The following PTPRD variants were observed in gnomAD, a reference collection of about 807,000 sequenced individuals.
PTPRD encodes the protein receptor-type tyrosine-protein phosphatase delta.
A neutral mutation model predicts 214.5 loss-of-function variants in PTPRD; 34 were observed. The ratio of observed to expected loss-of-function variants is 0.16; its 90% confidence interval spans 0.12 to 0.21. The LOEUF (loss-of-function observed/expected upper bound fraction) is 0.21. PTPRD is among the 10% of genes least tolerant of loss of function. The pLI is 1.00. For synonymous variants in PTPRD, 1,128 were observed against 845.7 expected, an observed-to-expected ratio of 1.33 and a Z score of -5.79; for missense variants, 2,545 against 2,398.7, an observed-to-expected ratio of 1.06 and a Z score of -1.27.
At chr9:8,794,552 C>G (rs768178184) in intron 11 of PTPRD, among the ~76,000 whole-genome samples, 2 of 149,078 alleles carry the variant, frequency 1.3e-5, no homozygotes, top group African/African-American at 5.0e-5. Flanking sequence ...TTATGTTGCC[C>G]AGGCTGGACT....
chr9:10,044,451 T>C (rs1450199775), intron 3 of PTPRD, among the ~76,000 whole-genome samples: 2 of 151,784 alleles, frequency 1.3e-5, no homozygotes, highest in South Asian at 4.1e-4. Context: ...TTGATAGTTA[T>C]ATTTCTTCAT....
At chr9:8,322,198 GA>G (rs1473669842) in intron 44 of PTPRD, among the ~76,000 whole-genome samples, 1 of 151,842 alleles carries the variant, frequency 6.6e-6, no homozygotes, top group Non-Finnish European at 1.5e-5. Flanking sequence ...CAACAATATC[GA>G]AATTAGGCCA....
At chr9:10,064,871 G>A (rs1212439523) in intron 3 of PTPRD, among the ~76,000 whole-genome samples, 1 of 151,972 alleles carries the variant, frequency 6.6e-6, no homozygotes, top group African/African-American at 2.4e-5. Flanking sequence ...AACTAGAGTT[G>A]CTATTTTATG....
intron 4 of PTPRD, among the ~76,000 whole-genome samples, chr9:10,032,404 C>A (rs940091331): frequency 6.6e-6 from 1 of 152,128 alleles, no homozygotes; most frequent in South Asian, 2.1e-4. Flanking sequence ...TGGAGATATT[C>A]TATGGGACAC....
chr9:9,349,709 A>G (rs1179686608), intron 9 of PTPRD, among the ~76,000 whole-genome samples: 1 of 150,186 alleles, frequency 6.7e-6, no homozygotes, highest in Non-Finnish European at 1.5e-5. Context: ...TCTCTTTCCT[A>G]ATTTCTATAT....
chr9:9,150,465 T>C (rs2099875772), intron 10 of PTPRD, among the ~76,000 whole-genome samples: 1 of 145,990 alleles, frequency 6.8e-6, no homozygotes, highest in African/African-American at 2.5e-5. Context: ...ACATATTATA[T>C]ATATAATATA....
chr9:8,936,684 A>G (rs2099000407), intron 11 of PTPRD, among the ~76,000 whole-genome samples: 1 of 152,182 alleles, frequency 6.6e-6, no homozygotes, highest in Non-Finnish European at 1.5e-5. Context: ...GTGGTAAAAC[A>G]TTCGTAATCA....
intron 5 of PTPRD, among the ~76,000 whole-genome samples, chr9:9,785,311 T>G (rs1029183946): frequency 3.9e-5 from 6 of 152,072 alleles, no homozygotes; most frequent in African/African-American, 1.4e-4. Flanking sequence ...AATCTCACAG[T>G]ATCTCCTACA....
At chr9:8,895,717 A>G (rs959075216) in intron 11 of PTPRD, among the ~76,000 whole-genome samples, 1 of 152,228 alleles carries the variant, frequency 6.6e-6, no homozygotes, top group Non-Finnish European at 1.5e-5. Context: ...TTTGGGGAAG[A>G]CAATGAGTGC....
At chr9:10,483,649 T>C (rs1468987796) in intron 2 of PTPRD, among the ~76,000 whole-genome samples, 1 of 151,894 alleles carries the variant, frequency 6.6e-6, no homozygotes. Flanking sequence ...GATATATAAA[T>C]GGCCAACAAA....
At chr9:9,963,490 T>A (rs572366380) in intron 4 of PTPRD, among the ~76,000 whole-genome samples, 20 of 152,284 alleles carry the variant, frequency 1.3e-4, no homozygotes, top group Middle Eastern at 6.8e-3. Flanking sequence ...TAAATGAAAA[T>A]GACTGGATTG....
At chr9:8,722,470 A>G (rs948672691) in intron 12 of PTPRD, among the ~76,000 whole-genome samples, 2 of 150,656 alleles carry the variant, frequency 1.3e-5, no homozygotes, top group Non-Finnish European at 2.9e-5. Context: ...ATAAATCCAA[A>G]TATGTTAAAT....
At chr9:10,564,430 G>C (rs766470149) in intron 2 of PTPRD, among the ~76,000 whole-genome samples, 32 of 148,670 alleles carry the variant, frequency 2.2e-4, no homozygotes, top group Admixed American at 7.4e-4. Context: ...AAGGAACTAA[G>C]AAGGTTGATT....
intron 11 of PTPRD, among the ~76,000 whole-genome samples, chr9:8,844,843 G>T (rs1435546744): frequency 6.6e-6 from 1 of 152,148 alleles, no homozygotes; most frequent in Admixed American, 6.5e-5. Flanking sequence ...TTGGTAGTTG[G>T]TGTTATTATT....
intron 3 of PTPRD, among the ~76,000 whole-genome samples, chr9:10,326,781 A>T (rs1008393805): frequency 6.6e-6 from 1 of 151,568 alleles, no homozygotes; most frequent in African/African-American, 2.4e-5. Flanking sequence ...AAATAGAAAA[A>T]GGGGCTCTCT....
intron 2 of PTPRD, among the ~76,000 whole-genome samples, chr9:10,609,054 T>C (rs1203250254): frequency 1.3e-5 from 2 of 152,134 alleles, no homozygotes. Context: ...TAAATTAGCA[T>C]TCTTGAATAT....
chr9:10,252,672 A>G (rs544912421), intron 3 of PTPRD, among the ~76,000 whole-genome samples: 58 of 152,348 alleles, frequency 3.8e-4, no homozygotes, highest in African/African-American at 1.3e-3. Context: ...TAGATAAATT[A>G]GCATAATCAC....
At chr9:9,427,894 C>A (rs897382894) in intron 8 of PTPRD, among the ~76,000 whole-genome samples, 1 of 152,152 alleles carries the variant, frequency 6.6e-6, no homozygotes, top group Non-Finnish European at 1.5e-5. Flanking sequence ...GCCTGCCTTA[C>A]AAGAGCTCCT....
chr9:9,997,462 T>C (rs973011902), intron 4 of PTPRD, among the ~76,000 whole-genome samples: 1 of 152,062 alleles, frequency 6.6e-6, no homozygotes, highest in African/African-American at 2.4e-5. Context: ...GCTAATTTTG[T>C]ATTTTTAGTA....
Sources: gnomAD v4.1 joint callset for allele counts (sites outside exome capture counted in the v4.1 genomes callset) on GRCh38, gnomAD v4.1.1 for gene constraint, MANE v1.5 for transcripts, NCBI Gene and HGNC (gene_info 2026-07-23, HGNC 2026-07-21) for gene names.